DBNL: variants seen among roughly 807,000 people sequenced by gnomAD.
DBNL encodes drebrin like.
A neutral mutation model predicts 62.2 loss-of-function variants in DBNL; 35 were observed. The ratio of observed to expected loss-of-function variants is 0.56; its 90% CI spans 0.43 to 0.75. The LOEUF is 0.75. Ranked by LOEUF, DBNL falls within the 30% of genes least tolerant of loss-of-function variation. DBNL has a pLI of 0.00. For missense variants in DBNL, 495 were observed against 578.4 expected, an observed-to-expected ratio of 0.86 and a Z score of 1.48; for synonymous variants, 197 against 218.0, an observed-to-expected ratio of 0.90 and a Z score of 0.85.
intron 8 of DBNL, chr7:44,058,684 G>A (rs887721312): frequency 4.8e-6 from 4 of 832,972 alleles, no homozygotes; most frequent in Admixed American, 2.8e-5. Flanking sequence ...ACCTGGTCCT[G>A]GGGGAGGCCC....
chr7:44,058,211 G>A lies in DBNL; in HGVS notation c.635G>A (p.Arg212His), dbSNP rs866293335. The A allele has an allele frequency of 2.4e-5, 38 of 1,566,232 alleles. No homozygotes were observed. The highest frequency in any genetic ancestry group is 6.7e-5 in the African/African-American group (5 of 74,126). Residue 212 changes from arginine to histidine, a missense_variant, in exon 7 of 13, where the codon CGT becomes CAT. Physicochemically the swap from Arg to His is conservative, Grantham distance 29. Transcript: ENST00000448521. ...CAGCTGGAGCAGGAGCGCCGGGAGC[G>A]TGAGCTGCGTGAGGCTGCACGCCGG... Reference protein sequence around the residue: ...QRQLEQERRERELREAARREQ... With the variant: ...QRQLEQERREHELREAARREQ...
Position 44,065,949 on chromosome 7 carries a change from A to G in DBNL, c.*5033A>G, listed in dbSNP as rs899570747. On this transcript the variant is annotated 3_prime_UTR_variant, in exon 13 of 13. Transcript: ENST00000448521. ...TCTCTGCTCAGACAGAGGCACAAAC[A>G]AAATCCCAACCCCTTTCTCCTGTGA... The G allele has an allele frequency of 6.4e-6, 2 of 313,194 alleles. No homozygotes were observed. Among genetic ancestry groups the G allele is most frequent in the South Asian group, 3.1e-5 (1 of 32,358 alleles). The allele number at this position is 313,194 out of a possible 1,614,324, so 19.4% of individuals were successfully genotyped here. A position where few individuals can be genotyped will look rare whatever the true frequency, so the allele number is the denominator to read the frequency against.
chr7:44,058,877 G>A (rs745854964), intron 8 of DBNL, 25 bp from the exon 9 acceptor site: 2 of 1,613,820 alleles, frequency 1.2e-6, no homozygotes, highest in African/African-American at 2.7e-5. Context: ...GCCCACTGCA[G>A]GGGTCAACAT....
In DBNL at chr7:44,067,506, G is replaced by A. The variant is rs2096162220; in HGVS notation, c.*6590G>A. ...GCAGGAGGTGTCAAAAAGGAAAGGG[G>A]AGCCCAAAGAAGGGCTGGACTTCGG... On this transcript the variant is annotated 3_prime_UTR_variant, in exon 13 of 13. Coordinates refer to ENST00000448521, the MANE Select transcript of DBNL (RefSeq NM_001014436.3). The A allele has an allele frequency of 6.6e-6, 1 of 152,350 alleles. No individual in the cohort carries two copies. The highest frequency in any genetic ancestry group is 1.5e-5 in the Non-Finnish European group (1 of 68,022). 9.4% of individuals were successfully genotyped at this position (152,350 alleles called of 1,614,324 possible).
intron 3 of DBNL, 59 bp downstream of exon 3, chr7:44,052,001 G>A (rs2096127455): frequency 6.6e-7 from 1 of 1,505,376 alleles, no homozygotes; most frequent in Admixed American, 1.7e-5. Context: ...CTTCTTTCCT[G>A]TTTTGACTTG....
intron 4 of DBNL, among the ~76,000 whole-genome samples, chr7:44,056,080 G>GT (rs559152367): frequency 3.1e-3 from 467 of 151,610 alleles, no homozygotes; most frequent in Non-Finnish European, 2.8e-3. Context: ...CCCATTTTGA[G>GT]TTTTTTTTTA....
chr7:44,066,143 G>T lies in DBNL; in HGVS notation c.*5227G>T. ...GAGCCGGGTTTCCAGGACAAAGGGG[G>T]AAAGGGCCCCTGTCTTTCCTCCGGG... On this transcript the variant is annotated 3_prime_UTR_variant, in exon 13 of 13. Coordinates refer to ENST00000448521, the MANE Select transcript of DBNL (RefSeq NM_001014436.3). The T allele has an allele frequency of 5.8e-6, 1 of 171,946 alleles. No individual in the cohort carries two copies. Among genetic ancestry groups the T allele is most frequent in the Non-Finnish European group, 1.3e-5 (1 of 78,042 alleles). 10.7% of individuals were successfully genotyped at this position (171,946 alleles called of 1,614,324 possible).
Position 44,064,797 on chromosome 7 carries a change from A to AGCCC in DBNL, c.*3881_*3882insGCCC. The AGCCC allele has an allele frequency of 3.2e-6, 2 of 633,308 alleles. No homozygotes were observed. Among genetic ancestry groups the AGCCC allele is most frequent in the Middle Eastern group, 4.9e-4 (1 of 2,046 alleles). The allele number at this position is 633,308 out of a possible 1,614,324, so 39.2% of individuals were successfully genotyped here. A position where few individuals can be genotyped will look rare whatever the true frequency, so the allele number is the denominator to read the frequency against. ...GAGAAGCCAGCTGGGGCTGCTGCCC[A>AGCCC]CCCACCCTGCCCAGGCTCCTGAAGG... On this transcript the variant is annotated 3_prime_UTR_variant, in exon 13 of 13. Transcript: ENST00000448521.
chr7:44,064,597 G>C lies in DBNL; in HGVS notation c.*3681G>C. ...CCACCTTTGGAGCCTGCCCCACCTC[G>C]GGACACAGCGAGCTTCGAGTGCAGT... On this transcript the variant is annotated 3_prime_UTR_variant, in exon 13 of 13. Coordinates refer to ENST00000448521, the MANE Select transcript of DBNL (RefSeq NM_001014436.3). 1.8e-6 allele frequency: 1 copy of C among 566,690 alleles called. No homozygotes were observed. Among genetic ancestry groups the C allele is most frequent in the East Asian group, 3.0e-5 (1 of 32,990 alleles). The allele number at this position is 566,690 out of a possible 1,614,324, so 35.1% of individuals were successfully genotyped here.
At position 44,064,797 on chromosome 7, in the gene DBNL, A is replaced by AAGGGGG; in HGVS notation, c.*3881_*3882insAGGGGG. 1 of 633,308 alleles carries AAGGGGG rather than the reference A, an allele frequency of 1.6e-6. No individual in the cohort carries two copies. The highest frequency in any genetic ancestry group is 2.8e-6 in the Non-Finnish European group (1 of 361,386). The allele number at this position is 633,308 out of a possible 1,614,324, so 39.2% of individuals were successfully genotyped here. ...GAGAAGCCAGCTGGGGCTGCTGCCC[A>AAGGGGG]CCCACCCTGCCCAGGCTCCTGAAGG... On this transcript the variant is annotated 3_prime_UTR_variant, in exon 13 of 13. Coordinates refer to ENST00000448521, the MANE Select transcript of DBNL (RefSeq NM_001014436.3).
chr7:44,044,916 G>C (rs1386881288), intron 1 of DBNL, 96 bp downstream of exon 1: 2 of 1,252,280 alleles, frequency 1.6e-6, no homozygotes, highest in Non-Finnish European at 2.1e-6. Flanking sequence ...GGGAGCGCGA[G>C]CGCGGAGCGG....
Position 44,063,007 on chromosome 7 carries a change from T to G in DBNL, c.*2091T>G. 6.7e-7 allele frequency: 1 copy of G among 1,486,022 alleles called. No homozygotes were observed. Among genetic ancestry groups the G allele is most frequent in the African/African-American group, 1.4e-5 (1 of 72,542 alleles). The allele number at this position is 1,486,022 out of a possible 1,614,324, so 92.1% of individuals were successfully genotyped here. On this transcript the variant is annotated 3_prime_UTR_variant, in exon 13 of 13. Coordinates refer to ENST00000448521, the MANE Select transcript of DBNL (RefSeq NM_001014436.3). ...CACAGCAGACACTATGTGACCTTTA[T>G]GGTCCACAGAGCCAGTTCCCCTGGC...
At position 44,060,287 on chromosome 7, in the gene DBNL, G is replaced by C; in HGVS notation, c.1153+134G>C. On this transcript the variant is annotated intron_variant, in intron 12 of 12. Transcript: ENST00000448521. This position sits in a 1 kb window ranked among gnomAD's most constrained non-coding sequence, Gnocchi z 6.3. ...GACAGGAGGGTGGGCGGTGCGTTTA[G>C]GGGTAGAAGCACCTCTGGAGTGGGG... is the stretch of plus-strand genomic sequence containing the variant. The C allele has an allele frequency of 1.3e-6, 1 of 779,722 alleles. No individual in the cohort carries two copies. Among genetic ancestry groups the C allele is most frequent in the Non-Finnish European group, 2.1e-6 (1 of 484,244 alleles). The allele number at this position is 779,722 out of a possible 1,614,324, so 48.3% of individuals were successfully genotyped here.
Position 44,067,078 on chromosome 7 carries a change from G to C in DBNL, c.*6162G>C, listed in dbSNP as rs1408464845. On this transcript the variant is annotated 3_prime_UTR_variant, in exon 13 of 13. Transcript: ENST00000448521. ...GGAAGGAAGGACCATAATGTACTGG[G>C]AGAGATGGGAAAGGAGAGGCCGGGG... The C allele has an allele frequency of 1.3e-5, 2 of 152,680 alleles. No individual in the cohort carries two copies. The highest frequency in any genetic ancestry group is 2.9e-5 in the Non-Finnish European group (2 of 68,316). The allele number at this position is 152,680 out of a possible 1,614,324, so 9.5% of individuals were successfully genotyped here. A position where few individuals can be genotyped will look rare whatever the true frequency, so the allele number is the denominator to read the frequency against.
rs141047511 is a variant in DBNL, at chr7:44,064,883, G to A, written c.*3967G>A. The A allele has an allele frequency of 1.9e-6, 3 of 1,609,364 alleles. 1 individual carries two copies. In the South Asian group the frequency reaches 3.3e-5, roughly 18 times the overall value. On this transcript the variant is annotated 3_prime_UTR_variant, in exon 13 of 13. Transcript: ENST00000448521. ...AGGCTGTTCCCGTGGGCTGCAATGAGCACTCGCTTGCCGGCCTTGATCTGG... is the reference window on the plus strand; with the variant it reads ...AGGCTGTTCCCGTGGGCTGCAATGAACACTCGCTTGCCGGCCTTGATCTGG...
At chr7:44,055,784 G>A (rs1046652896) in intron 4 of DBNL, among the ~76,000 whole-genome samples, 1 of 152,176 alleles carries the variant, frequency 6.6e-6, no homozygotes, top group Non-Finnish European at 1.5e-5. Context: ...TGAGTTGTTT[G>A]AGTTCCTTAT....
chr7:44,058,721 A>T, intron 8 of DBNL, 181 bp from the exon 9 acceptor site: 2 of 833,792 alleles, frequency 2.4e-6, no homozygotes, highest in Non-Finnish European at 3.7e-6. Context: ...TCTGTGTTTT[A>T]CTTCCTTTTT....
At position 44,059,650 on chromosome 7, in the gene DBNL, C is replaced by A. The variant is rs375429318; in HGVS notation, c.1039C>A (p.Pro347Thr). Reference sequence around the variant, plus strand: ...AGAGCAGGAGACCTTCTACGAGCAGCCCCCACTGGTGGGTTCCTACACTGG... The same window carrying A: ...AGAGCAGGAGACCTTCTACGAGCAGACCCCACTGGTGGGTTCCTACACTGG... Reference protein sequence around the residue: ...PPEQETFYEQPPLVQQQGAGS... With the variant: ...PPEQETFYEQTPLVQQQGAGS... The change falls in exon 11 of 13, where the codon CCC becomes ACC. Residue 347 changes from proline (P) to threonine (T), a missense_variant. Coordinates refer to ENST00000448521, the MANE Select transcript of DBNL (RefSeq NM_001014436.3). This position sits in a 1 kb window ranked among gnomAD's most constrained non-coding sequence, Gnocchi z 4.1. 5.6e-5 allele frequency: 89 copies of A among 1,602,634 alleles called. No individual in the cohort carries two copies. In the African/African-American group the frequency reaches 1.1e-3, roughly 19 times the overall value.
intron 8 of DBNL, 83 bp from the exon 9 acceptor site, chr7:44,058,819 G>C: frequency 6.5e-7 from 1 of 1,537,768 alleles, no homozygotes; most frequent in African/African-American, 1.4e-5. Context: ...GGGCTACTGG[G>C]CCGACAGCTG....
Sources: gnomAD v4.1 joint callset for allele counts (sites outside exome capture counted in the v4.1 genomes callset) on GRCh38, gnomAD v4.1.1 for gene constraint, Gnocchi (gnomAD v3.1) non-coding constraint, MANE v1.5 for transcripts, NCBI Gene and HGNC (gene_info 2026-07-23, HGNC 2026-07-21) for gene names.